SYN1: variants seen among roughly 807,000 people sequenced by gnomAD.
SYN1 encodes the protein synapsin-1.
A neutral mutation model predicts 44.6 loss-of-function variants in SYN1; 8 were observed. That is an observed-to-expected ratio of 0.18 (90% CI 0.11 to 0.32). SYN1 has a LOEUF of 0.32. SYN1 is among the 10% of genes least tolerant of loss of function. The pLI, the probability that SYN1 is intolerant of heterozygous loss-of-function variation, is 1.00. For missense variants in SYN1, 451 were observed against 639.4 expected, an observed-to-expected ratio of 0.71 and a Z score of 3.18; for synonymous variants, 275 against 280.1, an observed-to-expected ratio of 0.98 and a Z score of 0.18.
At chrX:47,610,716 T>C (rs922867851) in intron 1 of SYN1, among the ~76,000 whole-genome samples, 1 of 110,480 alleles carries the variant, frequency 9.1e-6, no homozygotes, top group Admixed American at 9.7e-5. Context: ...TGGCGAGGAC[T>C]CTAGGAAGTG....
rs745761692 is a variant in SYN1, at chrX:47,585,230, G to A, written c.775-7729C>T. The A allele has an allele frequency of 9.3e-5, 111 of 1,197,464 alleles. No individual in the cohort carries two copies. The highest frequency in any genetic ancestry group is 1.2e-4 in the Non-Finnish European group (109 of 887,859). On this transcript the variant is annotated intron_variant, in intron 5 of 12. Coordinates refer to ENST00000295987, the MANE Select transcript of SYN1 (RefSeq NM_006950.3). ...ATGTATAAAGGGTTCCAAGCCTTAG[G>A]GGATGCCGCTGACATCCGGTTCGTC...
In SYN1 at chrX:47,576,139, T is replaced by C. The variant is rs772936641; in HGVS notation, c.1150A>G (p.Ile384Val). The C allele has an allele frequency of 5.0e-6, 6 of 1,198,459 alleles. No homozygotes were observed. The highest frequency in any genetic ancestry group is 6.7e-6 in the Non-Finnish European group (6 of 889,130). Reference sequence around the variant, plus strand: ...CCCCTGGGTGCTCATACCTCAATGATGTGATCCCTTCCGTCCTTGCCATGT... The same window carrying C: ...CCCCTGGGTGCTCATACCTCAATGACGTGATCCCTTCCGTCCTTGCCATGT... ...ALHGKDGRDH[I>V]IEVVGSSMPL... Residue 384 changes from isoleucine to valine, a missense_variant, in exon 9 of 13, where the codon ATC becomes GTC. Ile to Val is a conservative substitution (Grantham distance 29). This residue lies in a region of SYN1 where 315 missense variants were observed against 451.4 expected (regional missense o/e 0.70). Transcript: ENST00000295987.
chrX:47,614,116 G>A (rs1043712424), intron 1 of SYN1, among the ~76,000 whole-genome samples: 2 of 111,993 alleles, frequency 1.8e-5, no homozygotes, highest in Non-Finnish European at 3.8e-5. Context: ...GGCACTTCGT[G>A]TTTCTCATGC....
intron 12 of SYN1, 113 bp downstream of exon 12, chrX:47,573,889 G>C: frequency 1.4e-6 from 1 of 703,577 alleles, no homozygotes; most frequent in Non-Finnish European, 1.9e-6. Flanking sequence ...AGAGTTCGTG[G>C]GACCCCTGCA....
rs1351788997 is a variant in SYN1 at position 47,575,262 on chromosome X, A to T, written c.1171T>A (p.Ser391Thr). 1.7e-6 allele frequency: 2 copies of T among 1,209,251 alleles called. No individual in the cohort carries two copies. The highest frequency in any genetic ancestry group is 2.2e-6 in the Non-Finnish European group (2 of 894,468). The change falls in exon 10 of 13, where the codon TCC (serine) becomes ACC (threonine). Residue 391 changes from serine (S) to threonine (T), a missense_variant. Ser to Thr is a moderately conservative substitution (Grantham distance 58). Around this residue, in one of 3 missense-constraint regions of SYN1, gnomAD observed 315 missense variants for 451.4 expected, o/e 0.70. Coordinates refer to ENST00000295987, the MANE Select transcript of SYN1 (RefSeq NM_006950.3). Reference protein sequence around the residue: ...RDHIIEVVGSSMPLIGDHQDE... With the variant: ...RDHIIEVVGSTMPLIGDHQDE... ...TGGTGGTCACCAATGAGCGGCATGG[A>T]GGAACCCACCACCTGGGGGAAGGAA...
chrX:47,572,656 A>G lies in SYN1; in HGVS notation c.*208T>C, dbSNP rs1039117051. The G allele has an allele frequency of 2.2e-6, 1 of 464,048 alleles. No individual in the cohort carries two copies. Among genetic ancestry groups the G allele is most frequent in the Admixed American group, 3.9e-5 (1 of 25,885 alleles). 38.2% of individuals were successfully genotyped at this position (464,048 alleles called of 1,213,427 possible). A position where few individuals can be genotyped will look rare whatever the true frequency, so the allele number is the denominator to read the frequency against. On this transcript the variant is annotated 3_prime_UTR_variant, in exon 13 of 13. Transcript: ENST00000295987. ...TGACCACGAGTGGGGTTCTAAAAGG[A>G]CTTGGGGATTCCACATGTGAGAACC...
At chrX:47,589,203 A>T (rs1043928832) in intron 5 of SYN1, among the ~76,000 whole-genome samples, 1 of 108,114 alleles carries the variant, frequency 9.2e-6, no homozygotes, top group African/African-American at 3.4e-5. Context: ...AGGCTGAGGC[A>T]CAAGAATCGT....
At chrX:47,583,398 TTCC>T in intron 5 of SYN1, 1 of 1,185,700 alleles carries the variant, frequency 8.4e-7, no homozygotes, top group Middle Eastern at 2.4e-4. Context: ...GACATCCCCC[TTCC>T]CCACAGAACC....
intron 5 of SYN1, among the ~76,000 whole-genome samples, chrX:47,592,964 T>C (rs1227364983): frequency 9.1e-6 from 1 of 109,592 alleles, no homozygotes; most frequent in Non-Finnish European, 1.9e-5. Context: ...AGCCTCAAAC[T>C]CCTGGACTTA....
chrX:47,581,917 T>C (rs752589667), intron 5 of SYN1, among the ~76,000 whole-genome samples: 89 of 111,786 alleles, frequency 8.0e-4, no homozygotes, highest in Non-Finnish European at 1.4e-3. Flanking sequence ...CATTTTGTAT[T>C]CCTCCCCTTT....
At chrX:47,577,807 G>T (rs761734064) in intron 5 of SYN1, among the ~76,000 whole-genome samples, 1 of 98,184 alleles carries the variant, frequency 1.0e-5, no homozygotes, top group Non-Finnish European at 2.0e-5. Context: ...CCAGTAAAAA[G>T]AAAGTTTGTT....
intron 5 of SYN1, among the ~76,000 whole-genome samples, chrX:47,583,983 T>C (rs2057811413): frequency 9.0e-6 from 1 of 111,409 alleles, no homozygotes; most frequent in Non-Finnish European, 1.9e-5. Flanking sequence ...GTGGGAGAGA[T>C]TGGGCTCAAC....
intron 5 of SYN1, among the ~76,000 whole-genome samples, chrX:47,601,054 T>C (rs1249229957): frequency 1.8e-5 from 2 of 111,533 alleles, no homozygotes; most frequent in Admixed American, 9.6e-5. Context: ...ATAAATGACA[T>C]AAAGAATTTT....
chrX:47,573,209 G>A (rs1312145518), intron 12 of SYN1, among the ~76,000 whole-genome samples: 1 of 111,765 alleles, frequency 8.9e-6, no homozygotes, highest in East Asian at 2.8e-4. Flanking sequence ...TGGAGTCCTG[G>A]GCCAGGGAGG....
intron 1 of SYN1, among the ~76,000 whole-genome samples, chrX:47,613,131 CAAAA>C (rs752216661): frequency 4.0e-4 from 15 of 37,389 alleles, no homozygotes; most frequent in African/African-American, 1.5e-3. Context: ...ACTCCGTCTC[CAAAA>C]AAAAAAAAAA....
chrX:47,610,362 C>G (rs2057913234), intron 1 of SYN1, among the ~76,000 whole-genome samples: 2 of 109,779 alleles, frequency 1.8e-5, no homozygotes, highest in Non-Finnish European at 3.8e-5. Context: ...AAGTAGACTA[C>G]TCCCCTGAGT....
At chrX:47,595,878 C>T (rs1168515928) in intron 5 of SYN1, among the ~76,000 whole-genome samples, 1 of 112,341 alleles carries the variant, frequency 8.9e-6, no homozygotes, top group African/African-American at 3.2e-5. Context: ...AATGAGAACA[C>T]TGGCAAAAAT....
chrX:47,603,890 TTA>T (rs1234580585), intron 5 of SYN1, among the ~76,000 whole-genome samples: 116 of 88,204 alleles, frequency 1.3e-3, no homozygotes, highest in African/African-American at 3.9e-3. Context: ...ATATTAGTGA[TTA>T]TATATATATA....
chrX:47,583,446 A>G, intron 5 of SYN1: 4 of 1,207,616 alleles, frequency 3.3e-6, no homozygotes, highest in Non-Finnish European at 3.4e-6. Context: ...GGCTTCTGGC[A>G]TCCTGTTGTT....
Sources: gnomAD v4.1 joint callset for allele counts (sites outside exome capture counted in the v4.1 genomes callset) on GRCh38, gnomAD v4.1.1 for gene constraint, gnomAD v4.1.1 regional missense constraint, MANE v1.5 for transcripts, NCBI Gene and HGNC (gene_info 2026-07-23, HGNC 2026-07-21) for gene names.